SESN2: variants seen among roughly 807,000 people sequenced by gnomAD.
SESN2 encodes the protein sestrin 2.
In SESN2, 42 loss-of-function variants were observed where a neutral mutation model predicts 56.0. That is an observed-to-expected ratio of 0.75 (90% CI 0.59 to 0.97). The LOEUF (loss-of-function observed/expected upper bound fraction) is 0.97, where lower values mean the gene tolerates loss of function less well. Among genes scored for constraint, SESN2 ranks in the 50% least tolerant of loss-of-function variants. The pLI, the probability that SESN2 is intolerant of heterozygous loss-of-function variation, is 0.00. For missense variants in SESN2, 507 were observed against 649.4 expected (o/e 0.78, Z 2.38); for synonymous variants, 264 against 267.1 (o/e 0.99, Z 0.11).
At position 28,261,704 on chromosome 1, in the gene SESN2, G is replaced by C. The variant is rs556783078; in HGVS notation, c.90+1767G>C. 6.6e-5 allele frequency among the ~76,000 whole-genome samples: 10 copies of C among 152,182 alleles called. No homozygotes were observed. In the South Asian group the frequency reaches 2.1e-3, roughly 32 times the overall value. The stretch of plus-strand genomic sequence containing the variant: ...GGTCTAGGGAGAAAAGGCTTTGAGG[G>C]AGGGATCTTTACACAGAAGCCATGT... On this transcript the variant is annotated intron_variant, in intron 1 of 9. Coordinates refer to ENST00000253063, the MANE Select transcript of SESN2 (RefSeq NM_031459.5).
At chr1:28,273,994 C>T (rs368611219) in intron 6 of SESN2, 46 bp from the exon 7 acceptor site, 4 of 1,230,972 alleles carry the variant, frequency 3.2e-6, no homozygotes, top group Non-Finnish European at 4.8e-6. Flanking sequence ...TGGACCCCTG[C>T]ATGCCCCATG....
At chr1:28,263,060 T>C (rs968641796) in intron 1 of SESN2, among the ~76,000 whole-genome samples, 9 of 152,322 alleles carry the variant, frequency 5.9e-5, no homozygotes, top group African/African-American at 2.2e-4. Flanking sequence ...GTCCCAATTA[T>C]GTGAAATAGT....
At chr1:28,277,452 G>C (rs1360746907) in intron 8 of SESN2, among the ~76,000 whole-genome samples, 2 of 152,098 alleles carry the variant, frequency 1.3e-5, no homozygotes, top group Non-Finnish European at 2.9e-5. Flanking sequence ...CTCACCTCAA[G>C]CTATCCGCTC....
At chr1:28,269,757 A>T (rs551018883) in intron 2 of SESN2, among the ~76,000 whole-genome samples, 1 of 152,350 alleles carries the variant, frequency 6.6e-6, no homozygotes, top group Admixed American at 6.5e-5. Context: ...TCAGTACAGA[A>T]CCAAGGTCAT....
chr1:28,266,550 C>A (rs1375751139), intron 1 of SESN2, among the ~76,000 whole-genome samples: 1 of 148,192 alleles, frequency 6.7e-6, no homozygotes, highest in Non-Finnish European at 1.5e-5. Context: ...GTGTCAAGAG[C>A]CCCATCTTTT....
In SESN2 at chr1:28,279,088, T is replaced by C; in HGVS notation, c.1212-9T>C. The C allele has an allele frequency of 2.5e-6, 4 of 1,614,006 alleles. No homozygotes were observed. Among genetic ancestry groups the C allele is most frequent in the Non-Finnish European group, 3.4e-6 (4 of 1,179,932 alleles). Reference sequence around the variant, plus strand: ...GCATGAGTAATGCTGCTGGGACCTTTCCATCCAGATATGATGACTATGATT... The same window carrying C: ...GCATGAGTAATGCTGCTGGGACCTTCCCATCCAGATATGATGACTATGATT... On this transcript the variant is annotated splice_polypyrimidine_tract_variant and intron_variant, in intron 8 of 9. Coordinates refer to ENST00000253063, the MANE Select transcript of SESN2 (RefSeq NM_031459.5).
chr1:28,278,971 T>C, intron 8 of SESN2, 126 bp from the exon 9 acceptor site: 1 of 896,964 alleles, frequency 1.1e-6, no homozygotes. Flanking sequence ...GAACTAGGCT[T>C]CTTGTTGCTT....
intron 2 of SESN2, 125 bp from the exon 3 acceptor site, chr1:28,271,538 CTCCCCATTCTT>C (rs142493658): frequency 0.029 from 18,557 of 640,120 alleles, 316 homozygotes; most frequent in Non-Finnish European, 0.035. Flanking sequence ...ATATGTGATC[CTCCCCATTCTT>C]TCTTTTTGGA....
intron 1 of SESN2, among the ~76,000 whole-genome samples, chr1:28,262,427 G>A (rs1232480354): frequency 6.6e-6 from 1 of 151,988 alleles, no homozygotes; most frequent in Non-Finnish European, 1.5e-5. Flanking sequence ...TGGATTGCTT[G>A]AGCCCAGGAG....
intron 7 of SESN2, among the ~76,000 whole-genome samples, chr1:28,274,528 C>CA (rs111581518): frequency 3.0e-3 from 403 of 134,716 alleles, no homozygotes; most frequent in South Asian, 0.016. Context: ...GATCCTGTCT[C>CA]AAAAAAAAAA....
chr1:28,277,204 G>C (rs1648084050), intron 8 of SESN2, among the ~76,000 whole-genome samples: 1 of 94,106 alleles, frequency 1.1e-5, no homozygotes, highest in Non-Finnish European at 2.0e-5. Context: ...ACTGCGCCTG[G>C]CTTTTTTTTT....
Position 28,273,375 on chromosome 1 carries a change from C to A in SESN2, c.768C>A (p.Arg256=), listed in dbSNP as rs137969225. 2 of 1,600,664 alleles carry A rather than the reference C, an allele frequency of 1.2e-6. No homozygotes were observed. Among genetic ancestry groups the A allele is most frequent in the Non-Finnish European group, 1.7e-6 (2 of 1,173,698 alleles). ...LNNSGGFESA[R]DVEALMERMQ... is the part of the protein sequence containing the mutation. ...TCCTGCAGGGCTTTGAGTCTGCCCGCGACGTGGAGGCGCTGATGGAGCGCA... is the reference window on the plus strand; with the variant it reads ...TCCTGCAGGGCTTTGAGTCTGCCCGAGACGTGGAGGCGCTGATGGAGCGCA... The change falls in exon 6 of 10, where the codon CGC becomes CGA. Residue 256 remains arginine, a synonymous_variant. Transcript: ENST00000253063.
chr1:28,274,914 C>T lies in SESN2; in HGVS notation c.1110C>T (p.Ala370=). The T allele has an allele frequency of 6.2e-7, 1 of 1,614,184 alleles. No homozygotes were observed. Among genetic ancestry groups the T allele is most frequent in the Non-Finnish European group, 8.5e-7 (1 of 1,180,008 alleles). The part of the protein sequence containing the change: ...GQLLDEKFQA[A]YSLTYNTIAM... ...TGCTGGATGAGAAGTTCCAGGCAGC[C>T]TATAGCCTCACCTACAATACCATCG... is the stretch of plus-strand genomic sequence containing the variant. Residue 370 remains alanine (A), a synonymous_variant, in exon 8 of 10, where the codon GCC becomes GCT. Coordinates refer to ENST00000253063, the MANE Select transcript of SESN2 (RefSeq NM_031459.5).
At chr1:28,271,032 T>G (rs929523720) in intron 2 of SESN2, among the ~76,000 whole-genome samples, 2 of 152,060 alleles carry the variant, frequency 1.3e-5, no homozygotes, top group Non-Finnish European at 1.5e-5. Context: ...AAAAAAAAGT[T>G]AAAAAGAAAT....
intron 8 of SESN2, 69 bp downstream of exon 8, chr1:28,275,084 T>C: frequency 8.6e-7 from 1 of 1,158,902 alleles, no homozygotes. Context: ...CACAGTTGTT[T>C]CCATTTTCTT....
chr1:28,266,022 T>A (rs1256001226), intron 1 of SESN2, among the ~76,000 whole-genome samples: 2 of 152,238 alleles, frequency 1.3e-5, no homozygotes, highest in Non-Finnish European at 2.9e-5. Flanking sequence ...CTGAATTATA[T>A]GAAGGCCAAG....
At chr1:28,280,571 A>G in intron 9 of SESN2, 145 bp from the exon 10 acceptor site, 1 of 679,872 alleles carries the variant, frequency 1.5e-6, no homozygotes, top group Non-Finnish European at 2.7e-6. Context: ...CTTGTACTAA[A>G]CTGCTCAGAG....
At chr1:28,263,808 T>C (rs502273) in intron 1 of SESN2, among the ~76,000 whole-genome samples, 54,567 of 151,984 alleles carry the variant, frequency 0.36, 10,898 homozygotes, top group African/African-American at 0.53. Flanking sequence ...GCCTAACCTT[T>C]GAACCCTTAG....
In SESN2 at chr1:28,280,983, T is replaced by C. The variant is rs945181719; in HGVS notation, c.*181T>C. ...CACTGGAATGGACAGTTCATTGCAC[T>C]GACTCTGGGATCTCAGCCCTGCTCC... On this transcript the variant is annotated 3_prime_UTR_variant, in exon 10 of 10. Coordinates refer to ENST00000253063, the MANE Select transcript of SESN2 (RefSeq NM_031459.5). The C allele has an allele frequency of 3.5e-6, 2 of 566,628 alleles. No individual in the cohort carries two copies. Among genetic ancestry groups the C allele is most frequent in the African/African-American group, 1.9e-5 (1 of 53,300 alleles). The allele number at this position is 566,628 out of a possible 1,614,324, so 35.1% of individuals were successfully genotyped here.
Sources: allele counts gnomAD v4.1 joint callset (sites outside exome capture counted in the v4.1 genomes callset), GRCh38; gene constraint gnomAD v4.1.1; transcripts MANE v1.5; gene names NCBI Gene and HGNC (gene_info 2026-07-23, HGNC 2026-07-21).